PLA2G4E: variants seen among roughly 807,000 people sequenced by gnomAD.
PLA2G4E encodes the protein cytosolic phospholipase A2 epsilon.
In PLA2G4E, 84 loss-of-function variants were observed where a neutral mutation model predicts 109.1. The observed-to-expected ratio is 0.77, with a 90% CI of 0.65 to 0.92. The LOEUF (loss-of-function observed/expected upper bound fraction) is 0.92, where lower values mean the gene tolerates loss of function less well. Ranked by LOEUF, PLA2G4E falls within the 40% of genes least tolerant of loss-of-function variation. The probability of loss-of-function intolerance (pLI) is 0.00; values close to 1 mark genes in which losing one functional copy is unlikely to be tolerated. For synonymous variants in PLA2G4E, 469 were observed against 436.1 expected, an observed-to-expected ratio of 1.08 and a Z score of -0.94; for missense variants, 1,057 against 1,076.6, an observed-to-expected ratio of 0.98 and a Z score of 0.25.
intron 7 of PLA2G4E, 144 bp from the exon 8 acceptor site, chr15:42,000,426 A>G: frequency 5.0e-6 from 4 of 792,314 alleles, no homozygotes; most frequent in Non-Finnish European, 7.9e-6. Flanking sequence ...AGAGATTCTC[A>G]ATCTATAGGG....
intron 13 of PLA2G4E, among the ~76,000 whole-genome samples, chr15:41,992,324 GGGCCTTGCA>G (rs2068263329): frequency 6.6e-6 from 1 of 152,156 alleles, no homozygotes; most frequent in Non-Finnish European, 1.5e-5. Flanking sequence ...GACCCTCCAA[GGGCCTTGCA>G]GACCACATGG....
intron 18 of PLA2G4E, among the ~76,000 whole-genome samples, chr15:41,985,544 A>T (rs1254875061): frequency 6.6e-6 from 1 of 152,248 alleles, no homozygotes. Context: ...GGTTATTTTT[A>T]AAAACTCATT....
In PLA2G4E at chr15:42,033,899, T is replaced by C. The variant is rs535293895; in HGVS notation, c.183+16622A>G. 7.2e-5 allele frequency among the ~76,000 whole-genome samples: 11 copies of C among 152,234 alleles called. No individual in the cohort carries two copies. The East Asian group carries it at 2.1e-3, about 29-fold the overall frequency. ...CCCCTTGCCAAGGTGCAAATGACAC[T>C]TCACCTCTCTCAACTGCTATTTCCC... On this transcript the variant is annotated intron_variant, in intron 1 of 19. Transcript: ENST00000399518.
At chr15:42,006,871 A>G in intron 3 of PLA2G4E, among the ~76,000 whole-genome samples, 1 of 152,208 alleles carries the variant, frequency 6.6e-6, no homozygotes, top group East Asian at 1.9e-4. Context: ...CTAGAAACAC[A>G]GGTATGTCCC....
At chr15:42,042,677 C>T (rs2141077690) in intron 1 of PLA2G4E, among the ~76,000 whole-genome samples, 1 of 149,826 alleles carries the variant, frequency 6.7e-6, no homozygotes, top group Non-Finnish European at 1.5e-5. Flanking sequence ...GCAAACCCAC[C>T]CAGGGAAGGA....
chr15:42,025,590 T>C (rs114307535), intron 1 of PLA2G4E, among the ~76,000 whole-genome samples: 1 of 152,168 alleles, frequency 6.6e-6, no homozygotes, highest in African/African-American at 2.4e-5. Flanking sequence ...TGGGACCCAT[T>C]GTATGCAGGC....
chr15:41,999,671 G>T (rs2068392846), intron 9 of PLA2G4E, 110 bp from the exon 10 acceptor site: 2 of 1,351,372 alleles, frequency 1.5e-6, no homozygotes, highest in South Asian at 1.3e-5. Context: ...GCACACACAG[G>T]CGCTCCATCC....
chr15:41,984,123 C>T (rs1291520217), intron 19 of PLA2G4E, 149 bp from the exon 20 acceptor site: 1 of 744,384 alleles, frequency 1.3e-6, no homozygotes. Flanking sequence ...CTCACACACG[C>T]ACCTGCACAC....
At chr15:42,043,311 G>C (rs1260451373) in intron 1 of PLA2G4E, among the ~76,000 whole-genome samples, 2 of 152,148 alleles carry the variant, frequency 1.3e-5, no homozygotes, top group Non-Finnish European at 2.9e-5. Flanking sequence ...TTACTAGGCA[G>C]GGAGGAGGGA....
intron 3 of PLA2G4E, among the ~76,000 whole-genome samples, chr15:42,006,701 TC>T (rs1363785473): frequency 2.0e-5 from 3 of 152,212 alleles, no homozygotes; most frequent in Non-Finnish European, 4.4e-5. Context: ...CTGGCTGAAC[TC>T]TGAGGTCAGT....
At chr15:41,999,593 G>A in intron 9 of PLA2G4E, 32 bp from the exon 10 acceptor site, 1 of 1,608,000 alleles carries the variant, frequency 6.2e-7, no homozygotes, top group East Asian at 2.2e-5. Context: ...GCTTGTCAGA[G>A]GTGACAATTC....
At chr15:42,016,447 C>T (rs975566995) in intron 1 of PLA2G4E, among the ~76,000 whole-genome samples, 1 of 152,008 alleles carries the variant, frequency 6.6e-6, no homozygotes, top group African/African-American at 2.4e-5. Context: ...AAGCAATTCT[C>T]CCTCCTCAGT....
chr15:42,044,374 G>A (rs917559266), intron 1 of PLA2G4E, among the ~76,000 whole-genome samples: 9 of 152,088 alleles, frequency 5.9e-5, no homozygotes, highest in African/African-American at 1.4e-4. Context: ...AGTGCAAGGC[G>A]TTGAGGAGTG....
intron 1 of PLA2G4E, among the ~76,000 whole-genome samples, chr15:42,047,540 G>A (rs72727720): frequency 0.094 from 14,315 of 152,188 alleles, 718 homozygotes; most frequent in South Asian, 0.19. Flanking sequence ...ACAGTGTTGC[G>A]TTAGGGATTA....
At chr15:42,040,305 A>G (rs756628436) in intron 1 of PLA2G4E, among the ~76,000 whole-genome samples, 2 of 152,224 alleles carry the variant, frequency 1.3e-5, no homozygotes, top group Non-Finnish European at 2.9e-5. Context: ...AAATGACAAC[A>G]TTGCAAATTA....
chr15:41,984,557 C>A (rs1468629108), exon 19 of PLA2G4E: 1 of 1,613,948 alleles, frequency 6.2e-7, no homozygotes. Flanking sequence ...TCTCATCTGG[C>A]AGCTCGTATT....
exon 18 of PLA2G4E, chr15:41,985,963 G>A (rs764494895): frequency 6.7e-5 from 108 of 1,603,338 alleles, no homozygotes; most frequent in Non-Finnish European, 8.5e-5. Context: ...CAGGTGGTTC[G>A]CGGACTCGGT....
intron 1 of PLA2G4E, among the ~76,000 whole-genome samples, chr15:42,035,693 G>C (rs1889200882): frequency 6.6e-6 from 1 of 152,218 alleles, no homozygotes; most frequent in South Asian, 2.1e-4. Context: ...GGAAGAGAGA[G>C]AGGGGAAGTG....
chr15:42,040,395 G>A (rs1889295712), intron 1 of PLA2G4E, among the ~76,000 whole-genome samples: 1 of 152,070 alleles, frequency 6.6e-6, no homozygotes, highest in Non-Finnish European at 1.5e-5. Context: ...TGTCATTTGG[G>A]GAAAAATAAG....
Sources: allele counts gnomAD v4.1 joint callset (sites outside exome capture counted in the v4.1 genomes callset), GRCh38; gene constraint gnomAD v4.1.1; transcripts MANE v1.5; gene names NCBI Gene and HGNC (gene_info 2026-07-23, HGNC 2026-07-21).